The following CDKAL1 variants were observed in gnomAD, a reference collection of about 807,000 sequenced individuals.
The protein encoded by CDKAL1 is CDKAL1 threonylcarbamoyladenosine tRNA methylthiotransferase.
In CDKAL1, 32 loss-of-function variants were observed where a neutral mutation model predicts 68.2. The ratio of observed to expected loss-of-function variants is 0.47; its 90% CI spans 0.35 to 0.63. CDKAL1 has a LOEUF of 0.63. CDKAL1 is among the 30% of genes least tolerant of loss of function. CDKAL1 has a pLI of 0.00. For missense variants in CDKAL1, 606 were observed against 696.7 expected (o/e 0.87, Z 1.47); for synonymous variants, 234 against 244.3 (o/e 0.96, Z 0.39).
intron 8 of CDKAL1, among the ~76,000 whole-genome samples, chr6:20,831,785 C>A (rs571331842): frequency 3.3e-5 from 5 of 152,006 alleles, no homozygotes; most frequent in Non-Finnish European, 7.4e-5. Flanking sequence ...TTTTGATTTC[C>A]GGTCAGCTCA....
chr6:20,733,031 C>T (rs1027555370), intron 5 of CDKAL1, among the ~76,000 whole-genome samples: 1 of 152,204 alleles, frequency 6.6e-6, no homozygotes, highest in East Asian at 1.9e-4. Context: ...GCACTGTAGG[C>T]TGGGGAGGAC....
intron 10 of CDKAL1, among the ~76,000 whole-genome samples, chr6:20,967,900 T>C (rs975338251): frequency 6.6e-6 from 1 of 152,206 alleles, no homozygotes; most frequent in Non-Finnish European, 1.5e-5. Flanking sequence ...TGGCAGTCTT[T>C]TTCTTTCAGC....
chr6:20,659,734 A>G (rs1769198838), intron 5 of CDKAL1, among the ~76,000 whole-genome samples: 1 of 152,058 alleles, frequency 6.6e-6, no homozygotes, highest in Non-Finnish European at 1.5e-5. Context: ...GGACACCTCA[A>G]ATCATCATGT....
At chr6:20,707,585 T>C (rs1314901793) in intron 5 of CDKAL1, among the ~76,000 whole-genome samples, 3 of 152,230 alleles carry the variant, frequency 2.0e-5, no homozygotes, top group Non-Finnish European at 1.5e-5. Context: ...TAAACTGGAA[T>C]ACTTTTGTCA....
intron 11 of CDKAL1, among the ~76,000 whole-genome samples, chr6:21,044,625 A>T (rs1770120371): frequency 6.6e-6 from 1 of 152,236 alleles, no homozygotes; most frequent in African/African-American, 2.4e-5. Flanking sequence ...AATCATTAGT[A>T]TTTATAGTTA....
intron 8 of CDKAL1, among the ~76,000 whole-genome samples, chr6:20,827,988 G>A (rs969117986): frequency 2.0e-5 from 3 of 152,100 alleles, no homozygotes; most frequent in Non-Finnish European, 2.9e-5. Flanking sequence ...TTGATGCTGA[G>A]AAATGGTGTG....
At chr6:21,117,484 A>C (rs765492245) in intron 13 of CDKAL1, among the ~76,000 whole-genome samples, 4 of 150,720 alleles carry the variant, frequency 2.7e-5, no homozygotes, top group Admixed American at 6.6e-5. Flanking sequence ...CCAAAAAAAA[A>C]CTACAAAAAT....
chr6:21,173,140 C>T lies in CDKAL1; in HGVS notation c.1300-24881C>T, dbSNP rs572938093. ...CTCCCCACAACACCCTTCTTTCCTC[C>T]TGCATCCCCCCCACACACCCAAAAA... On this transcript the variant is annotated intron_variant, in intron 13 of 15. Transcript: ENST00000274695. Among the ~76,000 whole-genome samples the T allele has an allele frequency of 2.7e-4, 41 of 151,712 alleles. No homozygotes were observed. The East Asian group carries it at 7.2e-3, about 27-fold the overall frequency.
At chr6:20,839,093 G>A (rs1177512271) in intron 8 of CDKAL1, among the ~76,000 whole-genome samples, 2 of 151,040 alleles carry the variant, frequency 1.3e-5, no homozygotes, top group Non-Finnish European at 3.0e-5. Context: ...AGTTAAAAGA[G>A]GCCATTTTCT....
At chr6:21,016,521 A>G (rs1768342598) in intron 11 of CDKAL1, among the ~76,000 whole-genome samples, 1 of 151,912 alleles carries the variant, frequency 6.6e-6, no homozygotes, top group South Asian at 2.1e-4. Flanking sequence ...GCAGTCTTTC[A>G]TCCATATTTT....
intron 9 of CDKAL1, among the ~76,000 whole-genome samples, chr6:20,889,770 T>C (rs1000567048): frequency 2.0e-5 from 3 of 152,322 alleles, no homozygotes; most frequent in South Asian, 2.1e-4. Flanking sequence ...AGCCTTGTAG[T>C]ATAGTTTGAA....
intron 9 of CDKAL1, among the ~76,000 whole-genome samples, chr6:20,952,680 A>C (rs1426860786): frequency 1.3e-5 from 2 of 152,258 alleles, no homozygotes; most frequent in East Asian, 1.9e-4. Flanking sequence ...CCGTAAGTCT[A>C]GCCAATTAAG....
intron 10 of CDKAL1, among the ~76,000 whole-genome samples, chr6:20,995,898 G>A (rs989995800): frequency 4.6e-5 from 7 of 152,284 alleles, no homozygotes; most frequent in African/African-American, 1.4e-4. Context: ...TTAATAGAAG[G>A]CTGTTTTGTC....
chr6:20,914,079 G>C (rs143266253), intron 9 of CDKAL1, among the ~76,000 whole-genome samples: 4,038 of 152,154 alleles, frequency 0.027, 179 homozygotes, highest in African/African-American at 0.088. Flanking sequence ...CACGAGGCCA[G>C]GAGCTCGAGA....
intron 5 of CDKAL1, among the ~76,000 whole-genome samples, chr6:20,732,585 C>T (rs1356327912): frequency 6.6e-6 from 1 of 152,080 alleles, no homozygotes; most frequent in Non-Finnish European, 1.5e-5. Context: ...CTATGCCTGG[C>T]TGACAAGTAT....
At chr6:20,979,149 A>G (rs934501409) in intron 10 of CDKAL1, among the ~76,000 whole-genome samples, 2 of 152,234 alleles carry the variant, frequency 1.3e-5, no homozygotes, top group African/African-American at 4.8e-5. Flanking sequence ...CCCTAGCGGC[A>G]TATACCAGGT....
At chr6:21,229,703 C>A (rs1779883803) in intron 15 of CDKAL1, among the ~76,000 whole-genome samples, 1 of 152,190 alleles carries the variant, frequency 6.6e-6, no homozygotes, top group East Asian at 1.9e-4. Flanking sequence ...CTGCTCCTTC[C>A]ACACCCCTCC....
At chr6:21,227,566 G>A (rs961045608) in intron 15 of CDKAL1, among the ~76,000 whole-genome samples, 2 of 152,268 alleles carry the variant, frequency 1.3e-5, no homozygotes, top group Non-Finnish European at 2.9e-5. Flanking sequence ...CCGCGGTCAC[G>A]CTCCCGCCTT....
At position 20,702,839 on chromosome 6, in the gene CDKAL1, C is replaced by T. The variant is rs575421626; in HGVS notation, c.372-36680C>T. On this transcript the variant is annotated intron_variant, in intron 5 of 15. Transcript: ENST00000274695. ...TCACCTAGGTCTGTGGGGGTGGAGC[C>T]CTAGCCAGGGGCCACGCCCTTCTCT... 9.2e-5 allele frequency among the ~76,000 whole-genome samples: 14 copies of T among 152,224 alleles called. No individual in the cohort carries two copies. The East Asian group carries it at 1.9e-3, about 21-fold the overall frequency.
Sources: allele counts gnomAD v4.1 joint callset (sites outside exome capture counted in the v4.1 genomes callset), GRCh38; gene constraint gnomAD v4.1.1; transcripts MANE v1.5; gene names NCBI Gene and HGNC (gene_info 2026-07-23, HGNC 2026-07-21).